FARP1: variants seen among roughly 807,000 people sequenced by gnomAD.
FARP1 encodes the protein FERM, ARHGEF and pleckstrin domain-containing protein 1.
A neutral mutation model predicts 128.8 loss-of-function variants in FARP1; 52 were observed. That is an observed-to-expected ratio of 0.40 (90% CI 0.32 to 0.51). The LOEUF is 0.51. Among genes scored for constraint, FARP1 ranks in the 20% least tolerant of loss-of-function variants. FARP1 has a pLI of 0.45. For synonymous variants in FARP1, 580 were observed against 551.8 expected (o/e 1.05, Z -0.72); for missense variants, 1,333 against 1,367.9 (o/e 0.97, Z 0.40).
At chr13:98,386,075 GTA>G in intron 8 of FARP1, 1 of 415,378 alleles carries the variant, frequency 2.4e-6, no homozygotes. Flanking sequence ...ACAGAAACAT[GTA>G]GCTCTCCATG....
intron 2 of FARP1, among the ~76,000 whole-genome samples, chr13:98,297,560 A>T (rs1329225213): frequency 6.6e-6 from 1 of 152,254 alleles, no homozygotes; most frequent in Non-Finnish European, 1.5e-5. Flanking sequence ...CGATAATTTT[A>T]AAAACTCAAA....
At chr13:98,258,378 A>C (rs1451292753) in intron 2 of FARP1, among the ~76,000 whole-genome samples, 2 of 152,226 alleles carry the variant, frequency 1.3e-5, no homozygotes, top group African/African-American at 4.8e-5. Flanking sequence ...TTAACTCTGA[A>C]GAATATTTAG....
intron 1 of FARP1, among the ~76,000 whole-genome samples, chr13:98,174,459 A>G (rs542932512): frequency 6.6e-6 from 1 of 152,300 alleles, no homozygotes; most frequent in South Asian, 2.1e-4. Flanking sequence ...TGAAAGTTTC[A>G]TATTTCTTCT....
chr13:98,184,166 G>A (rs1216062685), intron 1 of FARP1, among the ~76,000 whole-genome samples: 1 of 152,092 alleles, frequency 6.6e-6, no homozygotes, highest in Non-Finnish European at 1.5e-5. Context: ...TGCCCAGGCC[G>A]GAGAGTGGTG....
intron 2 of FARP1, among the ~76,000 whole-genome samples, chr13:98,296,523 T>G (rs9517249): frequency 8.3e-4 from 114 of 137,826 alleles, no homozygotes; most frequent in Middle Eastern, 3.8e-3. Flanking sequence ...GACCCCCCGC[T>G]CTTCATGCAC....
chr13:98,196,558 A>G (rs1879580195), intron 1 of FARP1, among the ~76,000 whole-genome samples: 3 of 152,210 alleles, frequency 2.0e-5, no homozygotes, highest in African/African-American at 4.8e-5. Flanking sequence ...TTCACATTCC[A>G]TGAATGAGAA....
intron 3 of FARP1, among the ~76,000 whole-genome samples, chr13:98,345,053 C>A (rs149422420): frequency 6.6e-6 from 1 of 152,208 alleles, no homozygotes; most frequent in Non-Finnish European, 1.5e-5. Flanking sequence ...ACTAGGCACA[C>A]ACAGCTTCTG....
At chr13:98,294,595 C>T (rs1486890674) in intron 2 of FARP1, among the ~76,000 whole-genome samples, 3 of 152,218 alleles carry the variant, frequency 2.0e-5, no homozygotes, top group Admixed American at 1.3e-4. Context: ...CACACCTGGC[C>T]TTTGGCATAA....
Position 98,324,768 on chromosome 13 carries a change from T to G in FARP1, c.172-18994T>G, listed in dbSNP as rs559377072. Among the ~76,000 whole-genome samples the G allele has an allele frequency of 4.6e-5, 7 of 152,316 alleles. No homozygotes were observed. The East Asian group carries it at 1.3e-3, about 29-fold the overall frequency. ...CTTTCCCGTTTGTGCTAGTAAAGAC[T>G]CTTGGAAGCATCAGGCCCTGATGAG... On this transcript the variant is annotated intron_variant, in intron 2 of 26. Transcript: ENST00000319562.
At chr13:98,185,940 C>T (rs937437248) in intron 1 of FARP1, among the ~76,000 whole-genome samples, 2 of 152,050 alleles carry the variant, frequency 1.3e-5, no homozygotes, top group East Asian at 1.9e-4. Flanking sequence ...TCAGGTGATC[C>T]GCCTGCCTCG....
At chr13:98,397,415 C>A (rs1416122664) in intron 13 of FARP1, 1 of 152,152 alleles carries the variant, frequency 6.6e-6, no homozygotes, top group African/African-American at 2.4e-5. Context: ...ACAGTCTTAC[C>A]ATTCACACTC....
At chr13:98,163,535 T>C (rs1301113552) in intron 1 of FARP1, among the ~76,000 whole-genome samples, 1 of 145,540 alleles carries the variant, frequency 6.9e-6, no homozygotes, top group Admixed American at 7.0e-5. Context: ...AATCCTTATT[T>C]GTTGGTGTTT....
intron 5 of FARP1, among the ~76,000 whole-genome samples, chr13:98,368,718 T>C (rs1247193366): frequency 6.6e-6 from 1 of 152,164 alleles, no homozygotes; most frequent in Non-Finnish European, 1.5e-5. Flanking sequence ...TATTACAGTG[T>C]GGACTCTAAT....
In FARP1 at chr13:98,224,674, C is replaced by A. The variant is rs180849894; in HGVS notation, c.171+11261C>A. Reference sequence around the variant, plus strand: ...CTTGCCAGGGACTCCCATTTGCTGACCCCAACCAGAAGCCCCAGAGTAAGA... The same window carrying A: ...CTTGCCAGGGACTCCCATTTGCTGAACCCAACCAGAAGCCCCAGAGTAAGA... On this transcript the variant is annotated intron_variant, in intron 2 of 26. Transcript: ENST00000319562. Among the ~76,000 whole-genome samples, 34 of 152,064 alleles carry A rather than the reference C, an allele frequency of 2.2e-4. 1 individual carries two copies. The highest frequency in any genetic ancestry group is 2.0e-3 in the Admixed American group (30 of 15,280).
intron 13 of FARP1, chr13:98,403,202 G>A (rs1246200174): frequency 6.6e-6 from 1 of 151,874 alleles, no homozygotes; most frequent in Non-Finnish European, 1.5e-5. Flanking sequence ...AGCATCCTAA[G>A]TGATCGTCCT....
intron 2 of FARP1, among the ~76,000 whole-genome samples, chr13:98,238,911 A>G (rs1566781222): frequency 6.6e-6 from 1 of 152,158 alleles, no homozygotes. Context: ...GCCAACCCCC[A>G]CATTGTTCAA....
In FARP1 at chr13:98,440,723, G is replaced by T; in HGVS notation, c.2683G>T (p.Ala895Ser). The T allele has an allele frequency of 1.2e-6, 2 of 1,613,560 alleles. No homozygotes were observed. Among genetic ancestry groups the T allele is most frequent in the South Asian group, 1.1e-5 (1 of 91,068 alleles). ...CCAGGAGTCAGAGGATGACCTGAGC[G>T]CCTCGCGCACATCGCTGGAGCGCCA... is the stretch of plus-strand genomic sequence containing the variant. ...ADQESEDDLS[A>S]SRTSLERQAP... The change falls in exon 24 of 27, where the codon GCC becomes TCC. Residue 895 changes from alanine (A) to serine (S), a missense_variant. Around this residue, in one of 2 missense-constraint regions of FARP1, gnomAD observed 1,009 missense variants for 969.8 expected, o/e 1.04. Transcript: ENST00000319562.
At chr13:98,394,991 G>A (rs1015020012) in intron 12 of FARP1, among the ~76,000 whole-genome samples, 3 of 152,142 alleles carry the variant, frequency 2.0e-5, no homozygotes, top group African/African-American at 4.8e-5. Flanking sequence ...AGCAGAGACC[G>A]GGCCGGGCTT....
At chr13:98,321,701 C>T (rs1330996064) in intron 2 of FARP1, among the ~76,000 whole-genome samples, 1 of 152,182 alleles carries the variant, frequency 6.6e-6, no homozygotes, top group Non-Finnish European at 1.5e-5. Flanking sequence ...AGCCTCTTGG[C>T]CTCATATGAC....
Sources: allele counts gnomAD v4.1 joint callset (sites outside exome capture counted in the v4.1 genomes callset), GRCh38; gene constraint gnomAD v4.1.1; regional missense constraint gnomAD v4.1.1; transcripts MANE v1.5; gene names NCBI Gene and HGNC (gene_info 2026-07-23, HGNC 2026-07-21).